SIM2: variants seen among roughly 807,000 people sequenced by gnomAD.
The protein encoded by SIM2 is SIM bHLH transcription factor 2, also known as single-minded homolog 2.
A neutral mutation model predicts 64.8 loss-of-function variants in SIM2; 28 were observed. That is an observed-to-expected ratio of 0.43 (90% CI 0.32 to 0.59). SIM2 has a LOEUF of 0.59. SIM2 is among the 20% of genes least tolerant of loss of function. The probability of loss-of-function intolerance (pLI) is 0.07; values close to 1 mark genes in which losing one functional copy is unlikely to be tolerated. For missense variants in SIM2, 847 were observed against 871.4 expected (o/e 0.97, Z 0.35); for synonymous variants, 408 against 391.1 (o/e 1.04, Z -0.51).
At chr21:36,744,147 G>A (rs564255500) in intron 9 of SIM2, among the ~76,000 whole-genome samples, 1 of 152,148 alleles carries the variant, frequency 6.6e-6, no homozygotes, top group South Asian at 2.1e-4. Flanking sequence ...CAGGGAAATC[G>A]CTTGAACCCG....
At chr21:36,706,637 T>C (rs971615331) in intron 1 of SIM2, among the ~76,000 whole-genome samples, 1 of 152,266 alleles carries the variant, frequency 6.6e-6, no homozygotes. Flanking sequence ...TTATTTAGTC[T>C]CTGCGTTTAG....
Position 36,699,418 on chromosome 21 carries a change from C to T in SIM2, c.-329C>T, listed in dbSNP as rs1010611423. 3 of 179,586 alleles carry T rather than the reference C, an allele frequency of 1.7e-5. No individual in the cohort carries two copies. Among genetic ancestry groups the T allele is most frequent in the Admixed American group, 6.3e-5 (1 of 15,830 alleles). The allele number at this position is 179,586 out of a possible 1,614,324, so 11.1% of individuals were successfully genotyped here. On this transcript the variant is annotated 5_prime_UTR_variant, in exon 1 of 11. Transcript: ENST00000290399. The surrounding 1 kb of genome is among the most constrained non-coding windows in gnomAD (Gnocchi z 5.6). ...CCGCCTCCGCGCCGGCCGCCCCCAC[C>T]CCCCAGGAAGGCCGAGGCAGGAGAG...
intron 9 of SIM2, 139 bp from the exon 10 acceptor site, chr21:36,744,589 G>T: frequency 9.4e-7 from 1 of 1,060,118 alleles, no homozygotes; most frequent in Non-Finnish European, 1.3e-6. Context: ...CCTGTCCCCA[G>T]TGGGACCTTG....
chr21:36,706,779 C>A (rs1478714623), intron 1 of SIM2, among the ~76,000 whole-genome samples: 8 of 152,130 alleles, frequency 5.3e-5, no homozygotes, highest in Admixed American at 4.6e-4. Flanking sequence ...CATCTAGCAC[C>A]CGACCACCTC....
At chr21:36,729,854 G>A (rs116156156) in intron 6 of SIM2, among the ~76,000 whole-genome samples, 137 of 152,294 alleles carry the variant, frequency 9.0e-4, no homozygotes, top group African/African-American at 2.9e-3. Flanking sequence ...ATCCTGATGC[G>A]GGTGATGATG....
rs534725578 is a variant in SIM2, at chr21:36,747,736, C to T, written c.1648C>T (p.Arg550Cys). 1.2e-4 allele frequency: 145 copies of T among 1,238,092 alleles called. 3 individuals carry two copies. In the South Asian group the frequency reaches 3.7e-3, roughly 32 times the overall value. The allele number at this position is 1,238,092 out of a possible 1,614,324, so 76.7% of individuals were successfully genotyped here. Residue 550 changes from arginine (R) to cysteine (C), a missense_variant, in exon 11 of 11, where the codon CGC becomes TGC. By Grantham distance (180) the Arg-to-Cys change is radical (BLOSUM62 -3). Around this residue, in one of 3 missense-constraint regions of SIM2, gnomAD observed 447 missense variants for 414.6 expected, o/e 1.08. Transcript: ENST00000290399. This position sits in a 1 kb window ranked among gnomAD's most constrained non-coding sequence, Gnocchi z 4.5. ...GAGCTTCCCGAGCTGCGGCCACTAC[C>T]GCGAGGAGCCCGCGCTGGGCCCGGC... ...PPSFPSCGHY[R>C]EEPALGPAKA...
At chr21:36,707,836 G>A (rs1281941367) in intron 1 of SIM2, among the ~76,000 whole-genome samples, 1 of 152,116 alleles carries the variant, frequency 6.6e-6, no homozygotes, top group Non-Finnish European at 1.5e-5. Flanking sequence ...CGATCTCCAG[G>A]ATCTCCACGG....
At chr21:36,729,552 G>T (rs1053804472) in intron 6 of SIM2, among the ~76,000 whole-genome samples, 1 of 152,176 alleles carries the variant, frequency 6.6e-6, no homozygotes, top group African/African-American at 2.4e-5. Context: ...AAGAATGAAA[G>T]TGAGGTCAAG....
At chr21:36,744,608 G>A (rs1386933078) in intron 9 of SIM2, 120 bp from the exon 10 acceptor site, 24 of 1,249,530 alleles carry the variant, frequency 1.9e-5, no homozygotes, top group Non-Finnish European at 2.5e-5. Flanking sequence ...TGCAGTGGTG[G>A]CGAGGGTAGG....
At chr21:36,728,240 G>C (rs943068816) in intron 6 of SIM2, among the ~76,000 whole-genome samples, 4 of 152,210 alleles carry the variant, frequency 2.6e-5, no homozygotes, top group Non-Finnish European at 5.9e-5. Context: ...GATCCAACTG[G>C]TTTCCCCCTT....
intron 1 of SIM2, among the ~76,000 whole-genome samples, chr21:36,707,653 C>T (rs868814893): frequency 1.6e-4 from 24 of 152,026 alleles, no homozygotes; most frequent in Middle Eastern, 3.4e-3. Flanking sequence ...GAAGCCGCTG[C>T]CCTGGGCCGA....
chr21:36,744,374 C>CGGAA (rs746300881), intron 9 of SIM2, among the ~76,000 whole-genome samples: 2 of 102,088 alleles, frequency 2.0e-5, no homozygotes, highest in South Asian at 3.2e-4. Context: ...GAAGGAAAGA[C>CGGAA]GGAAGGAAGG....
chr21:36,735,689 T>C (rs1252894924), intron 7 of SIM2, among the ~76,000 whole-genome samples: 1 of 152,230 alleles, frequency 6.6e-6, no homozygotes, highest in Non-Finnish European at 1.5e-5. Context: ...TGATGGGGAC[T>C]TGGGGACTGT....
At chr21:36,739,063 T>A (rs528040755) in intron 7 of SIM2, among the ~76,000 whole-genome samples, 3 of 141,742 alleles carry the variant, frequency 2.1e-5, no homozygotes, top group Non-Finnish European at 3.3e-5. Context: ...ACAAAACCAT[T>A]TCATTCTGGT....
chr21:36,719,506 A>G (rs552725766), intron 3 of SIM2, among the ~76,000 whole-genome samples: 11 of 152,318 alleles, frequency 7.2e-5, no homozygotes, highest in African/African-American at 2.4e-4. Flanking sequence ...GATGCTGCCC[A>G]GGCCAGCAGC....
chr21:36,727,566 AG>A (rs933874707), intron 6 of SIM2, among the ~76,000 whole-genome samples: 1 of 152,188 alleles, frequency 6.6e-6, no homozygotes, highest in Non-Finnish European at 1.5e-5. Context: ...ATTAGATAAT[AG>A]ACGGAAGCAT....
Position 36,709,368 on chromosome 21 carries a change from G to C in SIM2, c.258+118G>C, listed in dbSNP as rs969075720. The C allele has an allele frequency of 3.5e-6, 3 of 861,922 alleles. No homozygotes were observed. The African/African-American group carries it at 5.0e-5, about 14-fold the overall frequency. The allele number at this position is 861,922 out of a possible 1,614,324, so 53.4% of individuals were successfully genotyped here. ...GCCAGGCAGATCCAGAGGCTGCCGGGGGCTGGGGATGGGGTGGTCCCCACT... is the reference window on the plus strand; with the variant it reads ...GCCAGGCAGATCCAGAGGCTGCCGGCGGCTGGGGATGGGGTGGTCCCCACT... On this transcript the variant is annotated intron_variant, in intron 2 of 10. Coordinates refer to ENST00000290399, the MANE Select transcript of SIM2 (RefSeq NM_005069.6).
At chr21:36,741,297 A>G (rs964646679) in intron 7 of SIM2, among the ~76,000 whole-genome samples, 8 of 152,186 alleles carry the variant, frequency 5.3e-5, no homozygotes, top group Non-Finnish European at 4.4e-5. Flanking sequence ...CACTTAACTG[A>G]CTACTTTGTG....
At chr21:36,701,032 G>A (rs1271823127) in intron 1 of SIM2, among the ~76,000 whole-genome samples, 2 of 152,228 alleles carry the variant, frequency 1.3e-5, no homozygotes, top group Non-Finnish European at 2.9e-5. Context: ...AAGCGTTCCG[G>A]GCCGCGTCTT....
Sources: gnomAD v4.1 joint callset for allele counts (sites outside exome capture counted in the v4.1 genomes callset) on GRCh38, gnomAD v4.1.1 for gene constraint, gnomAD v4.1.1 regional missense constraint, Gnocchi (gnomAD v3.1) non-coding constraint, MANE v1.5 for transcripts, NCBI Gene and HGNC (gene_info 2026-07-23, HGNC 2026-07-21) for gene names.